The following RBM33 variants were observed in gnomAD, a reference collection of about 807,000 sequenced individuals.
The protein encoded by RBM33 is RNA-binding protein 33.
Under a neutral mutation model 132.6 loss-of-function variants are expected in RBM33, and 28 were observed. That is an observed-to-expected ratio of 0.21 (90% CI 0.16 to 0.29). The LOEUF is 0.29. RBM33 is among the 10% of genes least tolerant of loss of function. RBM33 has a pLI of 1.00. For missense variants in RBM33, 1,291 were observed against 1,518.5 expected (o/e 0.85, Z 2.49); for synonymous variants, 634 against 593.0 (o/e 1.07, Z -1.01).
At chr7:155,668,971 G>A (rs571766873) in intron 2 of RBM33, among the ~76,000 whole-genome samples, 1 of 152,318 alleles carries the variant, frequency 6.6e-6, no homozygotes, top group African/African-American at 2.4e-5. Context: ...TGGTCATGGT[G>A]TGAGACGGTT....
At chr7:155,695,751 A>C (rs1321877972) in intron 5 of RBM33, among the ~76,000 whole-genome samples, 1 of 152,210 alleles carries the variant, frequency 6.6e-6, no homozygotes, top group Non-Finnish European at 1.5e-5. Flanking sequence ...GTGAGCTACC[A>C]TGCCTGGCCT....
In RBM33 at chr7:155,737,580, C is replaced by T. The variant is rs2117023825; in HGVS notation, c.1311C>T (p.Phe437=). The T allele has an allele frequency of 1.9e-6, 3 of 1,613,340 alleles. No individual in the cohort carries two copies. Among genetic ancestry groups the T allele is most frequent in the East Asian group, 2.2e-5 (1 of 44,848 alleles). The change falls in exon 10 of 18, where the codon TTC becomes TTT. Residue 437 remains phenylalanine, a synonymous_variant. Transcript: ENST00000401878. Reference sequence around the variant, plus strand: ...CACCTGGACCTGTTCCCAACAGTTTCAGCCAGCCCCCACGACTCCCTCTCC... The same window carrying T: ...CACCTGGACCTGTTCCCAACAGTTTTAGCCAGCCCCCACGACTCCCTCTCC... ...QHTPGPVPNS[F]SQPPRLPLQD...
Position 155,644,869 on chromosome 7 carries a change from C to T in RBM33, c.-8C>T, listed in dbSNP as rs1017543053. 4 of 1,491,218 alleles carry T rather than the reference C, an allele frequency of 2.7e-6. No individual in the cohort carries two copies. The highest frequency in any genetic ancestry group is 3.6e-6 in the Non-Finnish European group (4 of 1,126,388). 92.4% of individuals were successfully genotyped at this position (1,491,218 alleles called of 1,614,324 possible). A position where few individuals can be genotyped will look rare whatever the true frequency, so the allele number is the denominator to read the frequency against. On this transcript the variant is annotated 5_prime_UTR_variant, in exon 1 of 18. Coordinates refer to ENST00000401878, the MANE Select transcript of RBM33 (RefSeq NM_053043.3). The stretch of plus-strand genomic sequence containing the variant: ...GGGGGAGGCTGAAGGCCGGGCCCCG[C>T]GAGTGCCATGGCGGCCGCCCTGGGA...
At chr7:155,721,278 C>T (rs990694501) in intron 9 of RBM33, among the ~76,000 whole-genome samples, 2 of 152,098 alleles carry the variant, frequency 1.3e-5, no homozygotes, top group African/African-American at 4.8e-5. Context: ...CACTTAGCCA[C>T]AGGCCCTGTG....
intron 5 of RBM33, among the ~76,000 whole-genome samples, chr7:155,699,437 G>T (rs1016443214): frequency 1.3e-5 from 2 of 152,216 alleles, no homozygotes; most frequent in African/African-American, 4.8e-5. Flanking sequence ...TCCTAAGGAA[G>T]CTGGCTTTGG....
intron 8 of RBM33, among the ~76,000 whole-genome samples, chr7:155,714,907 C>T (rs748653671): frequency 9.9e-5 from 15 of 152,098 alleles, no homozygotes; most frequent in South Asian, 2.1e-4. Flanking sequence ...GTGATGGTGA[C>T]GGGCTGGCCC....
chr7:155,716,215 G>A (rs1022342109), intron 8 of RBM33, among the ~76,000 whole-genome samples: 1 of 152,162 alleles, frequency 6.6e-6, no homozygotes, highest in African/African-American at 2.4e-5. Flanking sequence ...TCCCACTGAG[G>A]TGGCATCTCT....
chr7:155,661,334 C>T (rs1436232968), intron 1 of RBM33, among the ~76,000 whole-genome samples: 1 of 149,886 alleles, frequency 6.7e-6, no homozygotes, highest in East Asian at 1.9e-4. Context: ...AGACAGGTTT[C>T]ACCATGTTGG....
intron 14 of RBM33, among the ~76,000 whole-genome samples, chr7:155,753,457 C>T (rs957680822): frequency 6.6e-6 from 1 of 152,222 alleles, no homozygotes; most frequent in African/African-American, 2.4e-5. Context: ...AGGTCCCGGA[C>T]AGGAGGATGC....
At chr7:155,673,940 G>GTTTTTTTTTTTTTTTTTTTTTTTTTTT (rs71186053) in intron 3 of RBM33, among the ~76,000 whole-genome samples, 3 of 54,212 alleles carry the variant, frequency 5.5e-5, no homozygotes, top group South Asian at 7.1e-4. Context: ...TTTAGGCTTA[G>GTTTTTTTTTTTTTTTTTTTTTTTTTTT]TTTTTTTTTT....
At chr7:155,724,684 C>G (rs1207331849) in intron 9 of RBM33, among the ~76,000 whole-genome samples, 2 of 152,296 alleles carry the variant, frequency 1.3e-5, no homozygotes, top group South Asian at 4.1e-4. Flanking sequence ...TCTCCTGCCC[C>G]TTGTGGTTAG....
chr7:155,653,788 C>T (rs1340063023), intron 1 of RBM33, among the ~76,000 whole-genome samples: 1 of 152,034 alleles, frequency 6.6e-6, no homozygotes, highest in East Asian at 1.9e-4. Context: ...TTTCCTGAGT[C>T]CTGTGAATTG....
chr7:155,665,091 A>T, intron 1 of RBM33, 84 bp from the exon 2 acceptor site: 1 of 1,148,652 alleles, frequency 8.7e-7, no homozygotes, highest in Non-Finnish European at 1.3e-6. Context: ...AGGAATCCTT[A>T]AAAAAGTTGT....
At chr7:155,762,680 A>G (rs1332549581) in intron 14 of RBM33, among the ~76,000 whole-genome samples, 1 of 152,140 alleles carries the variant, frequency 6.6e-6, no homozygotes, top group Non-Finnish European at 1.5e-5. Flanking sequence ...TCTCCACAAG[A>G]TAACGTTTGG....
chr7:155,701,197 C>A, intron 6 of RBM33: 1 of 546,940 alleles, frequency 1.8e-6, no homozygotes, highest in East Asian at 3.0e-5. Flanking sequence ...TTTTTTGAGT[C>A]TGTGGCCTAC....
At chr7:155,670,653 GTAT>G (rs1798919832) in intron 2 of RBM33, among the ~76,000 whole-genome samples, 1 of 152,150 alleles carries the variant, frequency 6.6e-6, no homozygotes, top group South Asian at 2.1e-4. Flanking sequence ...CCTGAGAGGG[GTAT>G]TATGTCAATG....
At chr7:155,700,712 A>G in intron 5 of RBM33, 61 bp from the exon 6 acceptor site, 1 of 1,205,854 alleles carries the variant, frequency 8.3e-7, no homozygotes, top group Non-Finnish European at 1.2e-6. Context: ...ATTCTTTAAT[A>G]TTTAATTCAA....
At chr7:155,693,249 A>G (rs1284051023) in intron 5 of RBM33, among the ~76,000 whole-genome samples, 3 of 152,178 alleles carry the variant, frequency 2.0e-5, no homozygotes, top group Admixed American at 6.5e-5. Context: ...ACAGGGAAAC[A>G]TAAGGTGGTT....
In RBM33 at chr7:155,644,890, T is replaced by G. The variant is rs1025690168; in HGVS notation, c.14T>G (p.Leu5Arg). MAAA[L>R]GASGGAGAGD... is the part of the protein sequence containing the mutation. ...CCCGCGAGTGCCATGGCGGCCGCCC[T>G]GGGAGCGAGCGGAGGAGCAGGCGCC... The change falls in exon 1 of 18, where the codon CTG becomes CGG. Residue 5 changes from leucine to arginine, a missense_variant. Physicochemically the swap from Leu to Arg is moderately radical, Grantham distance 102. Around this residue, in one of 7 missense-constraint regions of RBM33, gnomAD observed 194 missense variants for 249.8 expected, o/e 0.78. Coordinates refer to ENST00000401878, the MANE Select transcript of RBM33 (RefSeq NM_053043.3). 5.5e-5 allele frequency: 83 copies of G among 1,498,470 alleles called. No individual in the cohort carries two copies. The highest frequency in any genetic ancestry group is 2.1e-4 in the Middle Eastern group (1 of 4,658). 92.8% of individuals were successfully genotyped at this position (1,498,470 alleles called of 1,614,324 possible).
Sources: gnomAD v4.1 joint callset for allele counts (sites outside exome capture counted in the v4.1 genomes callset) on GRCh38, gnomAD v4.1.1 for gene constraint, gnomAD v4.1.1 regional missense constraint, MANE v1.5 for transcripts, NCBI Gene and HGNC (gene_info 2026-07-23, HGNC 2026-07-21) for gene names.